The following MCTP1 variants were observed in gnomAD, a reference collection of about 807,000 sequenced individuals.
MCTP1 encodes the protein multiple C2 and transmembrane domain-containing protein 1.
Under a neutral mutation model 120.6 loss-of-function variants are expected in MCTP1, and 69 were observed. That is an observed-to-expected ratio of 0.57 (90% CI 0.47 to 0.70). The LOEUF is 0.70. Ranked by LOEUF, MCTP1 falls within the 30% of genes least tolerant of loss-of-function variation. The pLI is 0.00. For synonymous variants in MCTP1, 529 were observed against 493.1 expected (o/e 1.07, Z -0.96); for missense variants, 1,203 against 1,248.8 (o/e 0.96, Z 0.55).
At chr5:95,068,625 T>C (rs886196174) in intron 1 of MCTP1, among the ~76,000 whole-genome samples, 1 of 152,228 alleles carries the variant, frequency 6.6e-6, no homozygotes, top group Non-Finnish European at 1.5e-5. Flanking sequence ...ATCTGTTTTC[T>C]ACTTAGTTCA....
chr5:94,962,434 T>C lies in MCTP1; in HGVS notation c.839-9073A>G, dbSNP rs1824498196. 2.0e-5 allele frequency among the ~76,000 whole-genome samples: 3 copies of C among 149,954 alleles called. No homozygotes were observed. In the Admixed American group the frequency reaches 2.0e-4, roughly 10 times the overall value. On this transcript the variant is annotated intron_variant, in intron 2 of 22. Coordinates refer to ENST00000515393, the MANE Select transcript of MCTP1 (RefSeq NM_024717.7). ...CAACAAGTGGATAAAGAAATTGATA[T>C]ATATATATCATATATTGTATATATT...
intron 1 of MCTP1, among the ~76,000 whole-genome samples, chr5:95,247,123 G>T (rs1368668883): frequency 6.6e-6 from 1 of 152,138 alleles, no homozygotes; most frequent in Non-Finnish European, 1.5e-5. Flanking sequence ...TCTTGGGAGG[G>T]TGTTATGTGT....
intron 1 of MCTP1, among the ~76,000 whole-genome samples, chr5:95,065,523 G>T (rs1175813247): frequency 6.6e-6 from 1 of 152,094 alleles, no homozygotes; most frequent in African/African-American, 2.4e-5. Context: ...ATGATTATCT[G>T]AAAAGATATA....
intron 3 of MCTP1, among the ~76,000 whole-genome samples, chr5:94,947,337 TTA>T (rs1446852088): frequency 4.6e-5 from 7 of 152,018 alleles, no homozygotes; most frequent in African/African-American, 1.7e-4. Context: ...CCGTGCCTAA[TTA>T]TGCTCTGAAT....
intron 19 of MCTP1, 62 bp downstream of exon 19, chr5:94,779,048 A>T (rs1408476017): frequency 6.3e-6 from 9 of 1,436,998 alleles, no homozygotes; most frequent in Non-Finnish European, 6.9e-6. Context: ...CTGTCTGTGA[A>T]AACAGTGTCA....
chr5:95,044,137 T>C (rs1229453775), intron 1 of MCTP1, among the ~76,000 whole-genome samples: 1 of 152,162 alleles, frequency 6.6e-6, no homozygotes, highest in African/African-American at 2.4e-5. Flanking sequence ...TTTGTTGTCC[T>C]TGTTGAGGGT....
intron 7 of MCTP1, among the ~76,000 whole-genome samples, chr5:94,922,556 G>A (rs972611968): frequency 3.3e-5 from 5 of 151,316 alleles, no homozygotes; most frequent in African/African-American, 2.4e-5. Flanking sequence ...TGGCGCAATC[G>A]CAGCCCACTA....
At chr5:94,933,172 A>G (rs1257700877) in intron 5 of MCTP1, among the ~76,000 whole-genome samples, 1 of 151,842 alleles carries the variant, frequency 6.6e-6, no homozygotes. Flanking sequence ...GGTTACAATG[A>G]TTCCTCATCA....
At chr5:95,055,161 T>A (rs1747047392) in intron 1 of MCTP1, among the ~76,000 whole-genome samples, 1 of 152,200 alleles carries the variant, frequency 6.6e-6, no homozygotes, top group Non-Finnish European at 1.5e-5. Context: ...GTTGCTCAGA[T>A]GGGTTCTTTG....
At chr5:94,764,013 TG>T (rs1244185407) in intron 19 of MCTP1, among the ~76,000 whole-genome samples, 1 of 152,216 alleles carries the variant, frequency 6.6e-6, no homozygotes, top group Non-Finnish European at 1.5e-5. Context: ...TTATTTTTTT[TG>T]TTTACACTAC....
intron 1 of MCTP1, among the ~76,000 whole-genome samples, chr5:95,087,964 C>T (rs575362198): frequency 4.6e-5 from 7 of 152,158 alleles, no homozygotes; most frequent in Non-Finnish European, 7.4e-5. Context: ...GCCGGGTTAG[C>T]GATTTGCTCC....
chr5:94,756,751 T>G (rs1246925978), intron 19 of MCTP1, among the ~76,000 whole-genome samples: 2 of 152,220 alleles, frequency 1.3e-5, no homozygotes, highest in Non-Finnish European at 2.9e-5. Flanking sequence ...TATGGGACTC[T>G]GATGCCTGAA....
At chr5:95,032,361 C>T (rs1245475886) in intron 1 of MCTP1, among the ~76,000 whole-genome samples, 1 of 151,962 alleles carries the variant, frequency 6.6e-6, no homozygotes, top group Non-Finnish European at 1.5e-5. Context: ...CCAATAAATT[C>T]AAAATAACTG....
intron 5 of MCTP1, among the ~76,000 whole-genome samples, chr5:94,935,004 A>G (rs1260174886): frequency 1.3e-5 from 2 of 151,940 alleles, no homozygotes; most frequent in Non-Finnish European, 2.9e-5. Context: ...TGCACTACAC[A>G]CTTTTACAGG....
intron 2 of MCTP1, among the ~76,000 whole-genome samples, chr5:95,006,865 G>A (rs1039589686): frequency 2.6e-5 from 4 of 152,134 alleles, no homozygotes; most frequent in African/African-American, 9.7e-5. Flanking sequence ...GCCCTTTTGA[G>A]AGTAAAATGG....
At chr5:94,783,485 T>C (rs772288141) in intron 18 of MCTP1, among the ~76,000 whole-genome samples, 1 of 152,076 alleles carries the variant, frequency 6.6e-6, no homozygotes, top group Non-Finnish European at 1.5e-5. Context: ...TGACTGGAAA[T>C]GTTAATAGTG....
At chr5:94,971,784 C>T (rs1826949194) in intron 2 of MCTP1, among the ~76,000 whole-genome samples, 1 of 152,236 alleles carries the variant, frequency 6.6e-6, no homozygotes, top group Non-Finnish European at 1.5e-5. Flanking sequence ...GCCTTGGACT[C>T]TTATGTAGGT....
chr5:94,794,628 A>C (rs1436122315), intron 18 of MCTP1, among the ~76,000 whole-genome samples: 1 of 152,202 alleles, frequency 6.6e-6, no homozygotes, highest in Non-Finnish European at 1.5e-5. Context: ...ATCCTCCTTG[A>C]TACTGAATTT....
chr5:94,790,367 C>T (rs191377984), intron 18 of MCTP1, among the ~76,000 whole-genome samples: 1 of 152,330 alleles, frequency 6.6e-6, no homozygotes, highest in East Asian at 1.9e-4. Context: ...AAAAGAGGAC[C>T]CACCAGACTA....
Sources: allele counts gnomAD v4.1 joint callset (sites outside exome capture counted in the v4.1 genomes callset), GRCh38; gene constraint gnomAD v4.1.1; transcripts MANE v1.5; gene names NCBI Gene and HGNC (gene_info 2026-07-23, HGNC 2026-07-21).